Variants in NNMT observed in about 807,000 individuals in gnomAD.
NNMT encodes nicotinamide N-methyltransferase.
Under a neutral mutation model 11.7 loss-of-function variants are expected in NNMT, and 10 were observed. The observed-to-expected ratio is 0.85, with a 90% CI of 0.53 to 1.45. The LOEUF is 1.45. Among genes scored for constraint, NNMT ranks in the 40% most tolerant of loss-of-function variants. The pLI, the probability that NNMT is intolerant of heterozygous loss-of-function variation, is 0.00. For missense variants in NNMT, 381 were observed against 319.4 expected (o/e 1.19, Z -1.47); for synonymous variants, 143 against 133.8 (o/e 1.07, Z -0.48).
At chr11:114,268,167 C>T (rs184355618) in intron 2 of NNMT, among the ~76,000 whole-genome samples, 30 of 152,218 alleles carry the variant, frequency 2.0e-4, no homozygotes, top group Admixed American at 1.8e-3. Flanking sequence ...AGTGGAGTGG[C>T]GACATCGCTG....
chr11:114,295,754 G>A (rs1648471388), upstream of NNMT: 1 of 152,208 alleles, frequency 6.6e-6, no homozygotes. Context: ...AGGAAGTAAA[G>A]TTAACTTTGA....
rs190574604 is a variant in NNMT at position 114,266,787 on chromosome 11, C to A, written c.-130+3853C>A. On this transcript the variant is annotated intron_variant, in intron 2 of 4. Coordinates refer to the NNMT transcript ENST00000535401. The stretch of plus-strand genomic sequence containing the variant: ...AAACAAGCTCTCTCTGGCTTGCTTG[C>A]TCTGTCTTGCCATGCAATTCTTTCA... Among the ~76,000 whole-genome samples the A allele has an allele frequency of 3.5e-3, 528 of 152,358 alleles. 2 individuals are homozygous for A. Among genetic ancestry groups the A allele is most frequent in the African/African-American group, 0.012 (504 of 41,576 alleles).
intron 1 of NNMT, among the ~76,000 whole-genome samples, chr11:114,260,941 C>T (rs112923079): frequency 5.3e-4 from 81 of 152,342 alleles, no homozygotes; most frequent in African/African-American, 1.5e-3. Flanking sequence ...CTCACTTCCT[C>T]AACCCTAAGA....
rs1283466733 is a variant in NNMT, at chr11:114,313,459, T to G, written c.*982T>G. The stretch of plus-strand genomic sequence containing the variant: ...TCGCACCACTGTGTTCCAGACAGAG[T>G]GCGATGCTGTCTCGAAAAAAGTAAA... On this transcript the variant is annotated 3_prime_UTR_variant, in exon 3 of 3. Coordinates refer to ENST00000299964, the MANE Select transcript of NNMT (RefSeq NM_006169.3). 6.6e-6 allele frequency among the ~76,000 whole-genome samples: 1 copy of G among 151,932 alleles called. No homozygotes were observed. Among genetic ancestry groups the G allele is most frequent in the Non-Finnish European group, 1.5e-5 (1 of 67,984 alleles).
chr11:114,271,643 C>T (rs1366675282), intron 2 of NNMT, among the ~76,000 whole-genome samples: 2 of 152,170 alleles, frequency 1.3e-5, no homozygotes, highest in Non-Finnish European at 2.9e-5. Context: ...CCTCTTCACC[C>T]TCCTCTAAAC....
At chr11:114,308,237 A>G (rs1449519207) in intron 2 of NNMT, among the ~76,000 whole-genome samples, 1 of 152,120 alleles carries the variant, frequency 6.6e-6, no homozygotes. Context: ...TGCCCGTACA[A>G]TTCTCACAGT....
At chr11:114,298,872 C>T (rs371534454) in intron 2 of NNMT, among the ~76,000 whole-genome samples, 3 of 152,276 alleles carry the variant, frequency 2.0e-5, no homozygotes, top group Non-Finnish European at 2.9e-5. Context: ...GAGGTAGCCA[C>T]GCCTGCAATT....
intron 2 of NNMT, among the ~76,000 whole-genome samples, chr11:114,304,351 A>G (rs937732677): frequency 6.6e-6 from 1 of 152,164 alleles, no homozygotes; most frequent in African/African-American, 2.4e-5. Context: ...TAAAAGCATT[A>G]CTTATCTCAC....
chr11:114,287,894 G>A (rs1216666779), intron 2 of NNMT, among the ~76,000 whole-genome samples: 1 of 152,050 alleles, frequency 6.6e-6, no homozygotes, highest in Admixed American at 6.6e-5. Context: ...ATTTATTTAG[G>A]TCTTCTTTAA....
chr11:114,296,733 T>C, intron 1 of NNMT, 23 bp downstream of exon 1: 2 of 1,612,588 alleles, frequency 1.2e-6, no homozygotes, highest in African/African-American at 1.3e-5. Flanking sequence ...TCTGCATGTC[T>C]CCCCACTAAT....
chr11:114,270,949 A>AT (rs554092023), intron 2 of NNMT, among the ~76,000 whole-genome samples: 525 of 151,872 alleles, frequency 3.5e-3, no homozygotes, highest in Middle Eastern at 6.8e-3. Flanking sequence ...TGATTTTTGT[A>AT]TTTTTTTAGC....
intron 1 of NNMT, among the ~76,000 whole-genome samples, chr11:114,261,562 C>A (rs1945080894): frequency 6.6e-6 from 1 of 151,898 alleles, no homozygotes; most frequent in African/African-American, 2.4e-5. Context: ...CCAGCCTGGG[C>A]GACAAGAGCG....
intron 2 of NNMT, among the ~76,000 whole-genome samples, chr11:114,304,650 T>C (rs1414511198): frequency 2.0e-5 from 3 of 152,148 alleles, no homozygotes; most frequent in African/African-American, 7.2e-5. Flanking sequence ...ATGTACTGTC[T>C]CCTGTTCTTC....
chr11:114,275,479 C>T lies in NNMT; in HGVS notation c.-130+12545C>T, dbSNP rs114489102. On this transcript the variant is annotated intron_variant, in intron 2 of 4. Transcript: ENST00000535401. ...GTCAGAAGCACATTGCAGAGACAGCCGGCAAGTGGAAAGAGCACTGACTGC... is the reference window on the plus strand; with the variant it reads ...GTCAGAAGCACATTGCAGAGACAGCTGGCAAGTGGAAAGAGCACTGACTGC... Among the ~76,000 whole-genome samples the T allele has an allele frequency of 5.0e-3, 756 of 152,266 alleles. 7 individuals are homozygous for T. Among genetic ancestry groups the T allele is most frequent in the African/African-American group, 0.016 (678 of 41,556 alleles).
intron 2 of NNMT, among the ~76,000 whole-genome samples, chr11:114,307,783 G>A (rs1038506512): frequency 4.0e-5 from 6 of 151,634 alleles, no homozygotes; most frequent in Middle Eastern, 3.2e-3. Context: ...ATTTCCTCCC[G>A]CCCTCCCTGC....
intron 2 of NNMT, among the ~76,000 whole-genome samples, chr11:114,309,914 C>G (rs1410931261): frequency 6.6e-6 from 1 of 152,084 alleles, no homozygotes; most frequent in Non-Finnish European, 1.5e-5. Flanking sequence ...TTTCATTTAG[C>G]CTGTGTCTAG....
intron 1 of NNMT, among the ~76,000 whole-genome samples, chr11:114,261,191 A>G (rs942167392): frequency 6.6e-6 from 1 of 152,192 alleles, no homozygotes; most frequent in Non-Finnish European, 1.5e-5. Flanking sequence ...TGCTGCCGGC[A>G]TCTCCGGGAC....
intron 2 of NNMT, among the ~76,000 whole-genome samples, chr11:114,267,676 G>T (rs1945132249): frequency 6.6e-6 from 1 of 151,998 alleles, no homozygotes; most frequent in South Asian, 2.1e-4. Flanking sequence ...TCTGTCTTTT[G>T]TTCCTTTTCT....
rs1336018724 is a variant in NNMT at position 114,312,051 on chromosome 11, G to C, written c.369G>C (p.Lys123Asn). Residue 123 changes from lysine to asparagine, a missense_variant, in exon 3 of 3, where the codon AAG (lysine) becomes AAC (asparagine). Lys to Asn is a moderately conservative substitution (Grantham distance 94, BLOSUM62 0). Coordinates refer to ENST00000299964, the MANE Select transcript of NNMT (RefSeq NM_006169.3). ...YVCDLEGNRV[K>N]GPEKEEKLRQ... ...GTGGGTTTGTGTTTTTCAGAGTCAA[G>C]GGTCCAGAGAAGGAGGAGAAGTTGA... 1.9e-6 allele frequency: 3 copies of C among 1,561,474 alleles called. No individual in the cohort carries two copies. Among genetic ancestry groups the C allele is most frequent in the Non-Finnish European group, 2.6e-6 (3 of 1,149,860 alleles).
Sources: allele counts gnomAD v4.1 joint callset (sites outside exome capture counted in the v4.1 genomes callset), GRCh38; gene constraint gnomAD v4.1.1; transcripts MANE v1.5; gene names NCBI Gene and HGNC (gene_info 2026-07-23, HGNC 2026-07-21).